Variants in SRM observed in about 807,000 individuals in gnomAD.
The protein encoded by SRM is spermidine synthase.
SRM carries 14 observed loss-of-function variants against 39.3 expected under a neutral mutation model. That is an observed-to-expected ratio of 0.36 (90% CI 0.24 to 0.56). The LOEUF is 0.56. Among genes scored for constraint, SRM ranks in the 20% least tolerant of loss-of-function variants. SRM has a pLI of 0.86. For missense variants in SRM, 244 were observed against 409.2 expected, an observed-to-expected ratio of 0.60 and a Z score of 3.48; for synonymous variants, 195 against 173.1, an observed-to-expected ratio of 1.13 and a Z score of -0.99.
At chr1:11,055,952 C>T (rs754543719) in intron 5 of SRM, 26 bp from the exon 6 acceptor site, 11 of 1,588,844 alleles carry the variant, frequency 6.9e-6, no homozygotes, top group Admixed American at 3.4e-5. Flanking sequence ...CATCAGCATC[C>T]GGCAGGGCCT....
At position 11,059,193 on chromosome 1, in the gene SRM, G is replaced by A. The variant is rs560663599; in HGVS notation, c.288+32C>T. On this transcript the variant is annotated intron_variant, in intron 2 of 7. Coordinates refer to ENST00000376957, the MANE Select transcript of SRM (RefSeq NM_003132.3). Reference sequence around the variant, plus strand: ...CGGAGCACACCTGGGGCCGCCCCTCGTCCGGCACTGTTCCAGGGGACACTG... The same window carrying A: ...CGGAGCACACCTGGGGCCGCCCCTCATCCGGCACTGTTCCAGGGGACACTG... 6.8e-6 allele frequency: 11 copies of A among 1,612,916 alleles called. No homozygotes were observed. In the African/African-American group the frequency reaches 1.5e-4, roughly 21 times the overall value.
intron 3 of SRM, 126 bp downstream of exon 3, chr1:11,058,674 G>T: frequency 1.3e-6 from 1 of 792,576 alleles, no homozygotes; most frequent in South Asian, 2.0e-5. Flanking sequence ...AACCCTCCCC[G>T]ACCAGGTGTT....
chr1:11,055,229 T>C (rs1361364401), intron 6 of SRM, 145 bp from the exon 7 acceptor site: 1 of 1,252,970 alleles, frequency 8.0e-7, no homozygotes, highest in East Asian at 2.7e-5. Context: ...GTGATTCTCC[T>C]GCCTCAGCCT....
In SRM at chr1:11,059,901, C is replaced by A; in HGVS notation, c.43G>T (p.Ala15Ser). 9 of 1,416,240 alleles carry A rather than the reference C, an allele frequency of 6.4e-6. No individual in the cohort carries two copies. Among genetic ancestry groups the A allele is most frequent in the Non-Finnish European group, 8.3e-6 (9 of 1,083,940 alleles). The allele number at this position is 1,416,240 out of a possible 1,614,324, so 87.7% of individuals were successfully genotyped here. ...PDGPAASGPA[A>S]IREGWFRETC... The stretch of plus-strand genomic sequence containing the variant: ...TCGCGGAACCAGCCCTCGCGGATGG[C>A]GGCGGGGCCGGAGGCGGCGGGGCCG... Residue 15 changes from alanine to serine, a missense_variant, in exon 1 of 8, where the codon GCC becomes TCC. Coordinates refer to ENST00000376957, the MANE Select transcript of SRM (RefSeq NM_003132.3).
chr1:11,058,432 A>G (rs537476887), intron 3 of SRM, among the ~76,000 whole-genome samples: 3 of 151,794 alleles, frequency 2.0e-5, no homozygotes, highest in Non-Finnish European at 4.4e-5. Context: ...ATGGTAGCGC[A>G]TGTCTGTAAT....
chr1:11,059,086 C>T (rs891791038), intron 2 of SRM, 139 bp downstream of exon 2: 1 of 1,482,256 alleles, frequency 6.7e-7, no homozygotes, highest in Non-Finnish European at 9.2e-7. Context: ...GCGTCAGTGT[C>T]GGCCCCCACC....
At chr1:11,055,749 C>CCCACCCCCCCCCCCCCACACCCCCCA in intron 6 of SRM, 32 bp downstream of exon 6, 1 of 1,507,926 alleles carries the variant, frequency 6.6e-7, no homozygotes, top group Non-Finnish European at 9.0e-7. Flanking sequence ...CACCTTCCCC[C>CCCACCCCCCCCCCCCCACACCCCCCA]CAACCCCCAC....
rs1638940929 is a variant in SRM at position 11,059,586 on chromosome 1, G to A, written c.167+191C>T. 7.7e-6 allele frequency: 7 copies of A among 911,868 alleles called. No individual in the cohort carries two copies. In the Admixed American group the frequency reaches 8.8e-5, roughly 11 times the overall value. The allele number at this position is 911,868 out of a possible 1,614,324, so 56.5% of individuals were successfully genotyped here. ...ACACGTGGAGCGGGGCGCAGACTCC[G>A]ACTCCCCCACCCAAGAGGCCAGCCC... is the stretch of plus-strand genomic sequence containing the variant. On this transcript the variant is annotated intron_variant, in intron 1 of 7. Coordinates refer to ENST00000376957, the MANE Select transcript of SRM (RefSeq NM_003132.3).
intron 3 of SRM, among the ~76,000 whole-genome samples, chr1:11,058,484 C>T (rs1447767666): frequency 6.6e-6 from 1 of 151,362 alleles, no homozygotes; most frequent in Non-Finnish European, 1.5e-5. Flanking sequence ...CTACTTGAGC[C>T]CAGGAGGTGG....
At chr1:11,056,841 C>T (rs1392446592) in intron 3 of SRM, 84 bp from the exon 4 acceptor site, 1 of 1,481,292 alleles carries the variant, frequency 6.8e-7, no homozygotes, top group East Asian at 2.3e-5. Context: ...CTCCAAGTGC[C>T]TCACAGGCAA....
In SRM at chr1:11,056,617, G is replaced by T. The variant is rs761431615; in HGVS notation, c.522C>A (p.Ser174=). The change falls in exon 4 of 8, where the codon TCC becomes TCA. Residue 174 remains serine, a synonymous_variant. Coordinates refer to ENST00000376957, the MANE Select transcript of SRM (RefSeq NM_003132.3). ...TCCACTGCTTACCCATGGGGTCTGA[G>T]GAGTCAGTGATGATCACGTCGAAGG... is the stretch of plus-strand genomic sequence containing the variant. The part of the protein sequence containing the change: ...QDAFDVIITD[S]SDPMGPAESL... 6.2e-6 allele frequency: 10 copies of T among 1,614,054 alleles called. No homozygotes were observed. The South Asian group carries it at 9.9e-5, about 16-fold the overall frequency.
At chr1:11,057,321 C>A (rs989637541) in intron 3 of SRM, among the ~76,000 whole-genome samples, 1 of 143,482 alleles carries the variant, frequency 7.0e-6, no homozygotes, top group African/African-American at 2.8e-5. Flanking sequence ...TTGTCGCTTC[C>A]TATTTTATTT....
rs1011541336 is a variant in SRM at position 11,059,105 on chromosome 1, G to A, written c.288+120C>T. 14 of 1,539,672 alleles carry A rather than the reference G, an allele frequency of 9.1e-6. No individual in the cohort carries two copies. The African/African-American group carries it at 1.6e-4, about 18-fold the overall frequency. On this transcript the variant is annotated intron_variant, in intron 2 of 7. Transcript: ENST00000376957. ...CAGTGTCGGCCCCCACCCCTCCGCG[G>A]GACGCCCCTGGCCTCGCTAGCACTT...
At chr1:11,059,567 G>T in intron 1 of SRM, 1 of 914,154 alleles carries the variant, frequency 1.1e-6, no homozygotes, top group Non-Finnish European at 1.6e-6. Flanking sequence ...GCTGACACGT[G>T]GAGCGGGGCG....
chr1:11,059,144 T>C, intron 2 of SRM, 81 bp downstream of exon 2: 1 of 1,599,436 alleles, frequency 6.3e-7, no homozygotes, highest in South Asian at 1.1e-5. Flanking sequence ...CTGACAACCA[T>C]GCAGGCAGCA....
chr1:11,057,299 T>C (rs1295075187), intron 3 of SRM, among the ~76,000 whole-genome samples: 1 of 151,518 alleles, frequency 6.6e-6, no homozygotes, highest in Non-Finnish European at 1.5e-5. Context: ...TCGCCCCATC[T>C]GAGTGGCTTT....
Position 11,059,764 on chromosome 1 carries a change from G to A in SRM, c.167+13C>T. The A allele has an allele frequency of 1.3e-6, 2 of 1,576,406 alleles. No individual in the cohort carries two copies. Among genetic ancestry groups the A allele is most frequent in the Non-Finnish European group, 1.7e-6 (2 of 1,170,914 alleles). On this transcript the variant is annotated intron_variant, in intron 1 of 7. Transcript: ENST00000376957. ...GAGCCTAGGGGGCAGGCGCCTGCGG[G>A]CAGCGGCGGTACCTGCGGAAGACGA...
rs201722205 is a variant in SRM at position 11,058,787 on chromosome 1, C to T, written c.381+13G>A. The stretch of plus-strand genomic sequence containing the variant: ...GAACCAGGACTCAAACCTGGCTCTA[C>T]GCCGGCACTCACCTCGTCGATCTCA... On this transcript the variant is annotated intron_variant, in intron 3 of 7. Transcript: ENST00000376957. 219 of 1,598,572 alleles carry T rather than the reference C, an allele frequency of 1.4e-4. 1 individual carries two copies. Among genetic ancestry groups the T allele is most frequent in the Middle Eastern group, 1.3e-3 (8 of 6,020 alleles).
chr1:11,056,508 T>C (rs1638879584), intron 4 of SRM, 96 bp downstream of exon 4: 1 of 1,444,362 alleles, frequency 6.9e-7, no homozygotes, highest in Non-Finnish European at 9.4e-7. Context: ...GTTCGGGGGG[T>C]GGGAGGCCGC....
Sources: allele counts gnomAD v4.1 joint callset (sites outside exome capture counted in the v4.1 genomes callset), GRCh38; gene constraint gnomAD v4.1.1; transcripts MANE v1.5; gene names NCBI Gene and HGNC (gene_info 2026-07-23, HGNC 2026-07-21).